The following CFAP45 variants were observed in gnomAD, a reference collection of about 807,000 sequenced individuals.
CFAP45 encodes cilia- and flagella-associated protein 45.
CFAP45 carries 43 observed loss-of-function variants against 75.6 expected under a neutral mutation model. That is an observed-to-expected ratio of 0.57 (90% CI 0.45 to 0.73). The LOEUF is 0.73. Ranked by LOEUF, CFAP45 falls within the 30% of genes least tolerant of loss-of-function variation. CFAP45 has a pLI of 0.00. For missense variants in CFAP45, 689 were observed against 701.5 expected (o/e 0.98, Z 0.20); for synonymous variants, 223 against 244.6 (o/e 0.91, Z 0.82).
chr1:159,879,779 A>G (rs1209680771), intron 8 of CFAP45, among the ~76,000 whole-genome samples: 1 of 152,234 alleles, frequency 6.6e-6, no homozygotes, highest in East Asian at 1.9e-4. Flanking sequence ...ACTACTATAG[A>G]GGAGCATAGA....
At chr1:159,894,603 T>C (rs866702724) in intron 1 of CFAP45, among the ~76,000 whole-genome samples, 1 of 152,208 alleles carries the variant, frequency 6.6e-6, no homozygotes, top group African/African-American at 2.4e-5. Context: ...GCTGTTTCTC[T>C]CCCAAGACCC....
At chr1:159,898,044 T>C (rs990482727) in intron 1 of CFAP45, 36 of 899,862 alleles carry the variant, frequency 4.0e-5, no homozygotes, top group Non-Finnish European at 4.3e-5. Context: ...AGGAAAGATA[T>C]GTCTTTTCCT....
chr1:159,883,896 C>T (rs1048480723), intron 7 of CFAP45, among the ~76,000 whole-genome samples: 1 of 152,050 alleles, frequency 6.6e-6, no homozygotes, highest in African/African-American at 2.4e-5. Flanking sequence ...CTTTTTAAGT[C>T]TTCTTAGTTT....
chr1:159,877,886 A>ATAAATAAC (rs1360297618), intron 8 of CFAP45, among the ~76,000 whole-genome samples: 9 of 151,892 alleles, frequency 5.9e-5, no homozygotes, highest in African/African-American at 2.2e-4. Context: ...AAATAAATAA[A>ATAAATAAC]TAAATAAATA....
chr1:159,883,407 C>A (rs1158179946), intron 7 of CFAP45, among the ~76,000 whole-genome samples: 2 of 151,982 alleles, frequency 1.3e-5, no homozygotes, highest in Non-Finnish European at 2.9e-5. Flanking sequence ...ACAAGAGAGC[C>A]AGAAATACAT....
Position 159,889,749 on chromosome 1 carries a change from C to CT in CFAP45, c.272+730dup, listed in dbSNP as rs796134404. ...AGTAAGGGGCCGCAGTCCGACACAG[C>CT]TCCCGGGGTGTGTGCTAGATGTGCC... On this transcript the variant is annotated intron_variant, in intron 3 of 11. Coordinates refer to ENST00000368099, the MANE Select transcript of CFAP45 (RefSeq NM_012337.3). Among the ~76,000 whole-genome samples the CT allele has an allele frequency of 2.0e-4, 30 of 152,318 alleles. 1 individual carries two copies. Among genetic ancestry groups the CT allele is most frequent in the African/African-American group, 6.5e-4 (27 of 41,560 alleles).
intron 4 of CFAP45, 75 bp from the exon 5 acceptor site, chr1:159,888,086 C>G: frequency 6.7e-7 from 1 of 1,498,322 alleles, no homozygotes; most frequent in Non-Finnish European, 9.1e-7. Flanking sequence ...CTGGCTACCA[C>G]AGGTGACCCA....
rs145313899 is a variant in CFAP45 at position 159,888,380 on chromosome 1, G to T, written c.389C>A (p.Ala130Asp). The T allele has an allele frequency of 5.6e-6, 9 of 1,613,956 alleles. No individual in the cohort carries two copies. The highest frequency in any genetic ancestry group is 2.7e-5 in the African/African-American group (2 of 74,896). Reference sequence around the variant, plus strand: ...GGTGGCTTCCTTCTCCTTCTTGAAGGCCTGGTCCCTGGCCTCAAGTTCTTC... The same window carrying T: ...GGTGGCTTCCTTCTCCTTCTTGAAGTCCTGGTCCCTGGCCTCAAGTTCTTC... ...TREELEARDQ[A>D]FKKEKEATMD... is the part of the protein sequence containing the mutation. The change falls in exon 4 of 12, where the codon GCC (alanine) becomes GAC (aspartate). Residue 130 changes from alanine to aspartate, a missense_variant. Physicochemically the swap from Ala to Asp is moderately radical, Grantham distance 126. Transcript: ENST00000368099.
intron 8 of CFAP45, among the ~76,000 whole-genome samples, chr1:159,879,130 C>T (rs542942700): frequency 6.6e-6 from 1 of 152,294 alleles, no homozygotes; most frequent in South Asian, 2.1e-4. Flanking sequence ...AGATATACTC[C>T]TCTCTTGCTT....
chr1:159,874,457 C>T lies in CFAP45; in HGVS notation c.1353-1289G>A, dbSNP rs183693392. Among the ~76,000 whole-genome samples, 49 of 152,338 alleles carry T rather than the reference C, an allele frequency of 3.2e-4. No individual in the cohort carries two copies. In the East Asian group the frequency reaches 8.9e-3, roughly 28 times the overall value. On this transcript the variant is annotated intron_variant, in intron 10 of 11. Transcript: ENST00000368099. ...TTTACCCGAAGAATACTGTTGGCTT[C>T]CTCAGCCCTCTGTATTTAGACACCA...
intron 10 of CFAP45, 71 bp downstream of exon 10, chr1:159,876,485 T>C (rs1649403503): frequency 2.6e-6 from 3 of 1,147,424 alleles, no homozygotes; most frequent in Non-Finnish European, 1.3e-6. Flanking sequence ...AGAAAGCTTC[T>C]CTCTATCCAA....
chr1:159,884,947 CCAAACAAA>C (rs762261047), intron 6 of CFAP45, among the ~76,000 whole-genome samples: 16 of 152,058 alleles, frequency 1.1e-4, no homozygotes, highest in Non-Finnish European at 2.1e-4. Flanking sequence ...TAGTAAAAAG[CCAAACAAA>C]CAAACAAACA....
Position 159,886,527 on chromosome 1 carries a change from T to C in CFAP45, c.751A>G (p.Arg251Gly), listed in dbSNP as rs748950548. The C allele has an allele frequency of 3.7e-5, 59 of 1,614,022 alleles. No homozygotes were observed. The highest frequency in any genetic ancestry group is 4.7e-5 in the Non-Finnish European group (56 of 1,179,974). ...QRQEELERKR[R>G]EERIRGRRQI... ...CATCTTTACCTAATTCTTTCCTCCC[T>C]CCTCTTCCTCTCCAGTTCCTCCTGC... Residue 251 changes from arginine (R) to glycine (G), a missense_variant, in exon 6 of 12, where the codon AGG becomes GGG. Arg to Gly is a moderately radical substitution (Grantham distance 125, BLOSUM62 -2). Coordinates refer to ENST00000368099, the MANE Select transcript of CFAP45 (RefSeq NM_012337.3).
intron 8 of CFAP45, among the ~76,000 whole-genome samples, chr1:159,878,753 T>TAAAAAAAAAA (rs539116292): frequency 0.026 from 837 of 32,432 alleles, 168 homozygotes; most frequent in East Asian, 0.056. Flanking sequence ...AGACTACATC[T>TAAAAAAAAAA]AAAAAAAAAA....
At position 159,872,937 on chromosome 1, in the gene CFAP45, A is replaced by G. The variant is rs757006888; in HGVS notation, c.1577+7T>C. On this transcript the variant is annotated splice_region_variant and intron_variant, in intron 11 of 11. Transcript: ENST00000368099. ...AGGATTTGGGAAAGGAGGAGATTCCAGCGCACCTCAGCTCTTCAAGCTTTT... is the reference window on the plus strand; with the variant it reads ...AGGATTTGGGAAAGGAGGAGATTCCGGCGCACCTCAGCTCTTCAAGCTTTT... 7.4e-6 allele frequency: 12 copies of G among 1,612,322 alleles called. No homozygotes were observed. The African/African-American group carries it at 1.3e-4, about 18-fold the overall frequency.
At chr1:159,878,390 C>T (rs780789196) in intron 8 of CFAP45, among the ~76,000 whole-genome samples, 6 of 152,078 alleles carry the variant, frequency 3.9e-5, no homozygotes, top group Non-Finnish European at 7.4e-5. Context: ...TTCCCAAGCC[C>T]GCTTCCCAAC....
chr1:159,899,143 T>A (rs1431350335), intron 1 of CFAP45, among the ~76,000 whole-genome samples: 2 of 152,102 alleles, frequency 1.3e-5, no homozygotes, highest in Non-Finnish European at 1.5e-5. Context: ...CCCTTCATGG[T>A]TCCTCCCAGG....
At chr1:159,874,439 G>A (rs565569136) in intron 10 of CFAP45, among the ~76,000 whole-genome samples, 78 of 152,258 alleles carry the variant, frequency 5.1e-4, no homozygotes, top group South Asian at 1.7e-3. Flanking sequence ...CAGTTTACCC[G>A]AAGAATACTG....
At chr1:159,899,047 G>A (rs1016331017) in intron 1 of CFAP45, among the ~76,000 whole-genome samples, 1 of 152,274 alleles carries the variant, frequency 6.6e-6, no homozygotes, top group African/African-American at 2.4e-5. Context: ...AGACATTCTA[G>A]GTCAGTTCCA....
Sources: gnomAD v4.1 joint callset for allele counts (sites outside exome capture counted in the v4.1 genomes callset) on GRCh38, gnomAD v4.1.1 for gene constraint, MANE v1.5 for transcripts, NCBI Gene and HGNC (gene_info 2026-07-23, HGNC 2026-07-21) for gene names.